The following USP10 variants were observed in gnomAD, a reference collection of about 807,000 sequenced individuals.
USP10 encodes ubiquitin carboxyl-terminal hydrolase 10.
In USP10, 22 loss-of-function variants were observed where a neutral mutation model predicts 84.5. The observed-to-expected ratio is 0.26, with a 90% CI of 0.19 to 0.37. The LOEUF (loss-of-function observed/expected upper bound fraction) is 0.37. Among genes scored for constraint, USP10 ranks in the 10% least tolerant of loss-of-function variants. The probability of loss-of-function intolerance (pLI) is 1.00; values close to 1 mark genes in which losing one functional copy is unlikely to be tolerated. For missense variants in USP10, 1,019 were observed against 998.9 expected, an observed-to-expected ratio of 1.02 and a Z score of -0.27; for synonymous variants, 454 against 387.6, an observed-to-expected ratio of 1.17 and a Z score of -2.01.
chr16:84,744,199 G>A (rs911718888), intron 3 of USP10, among the ~76,000 whole-genome samples: 2 of 152,028 alleles, frequency 1.3e-5, no homozygotes, highest in African/African-American at 4.8e-5. Context: ...AACTACAGAA[G>A]CTGATTTAAC....
rs1914870261 is a variant in USP10 at position 84,775,194 on chromosome 16, T to A, written c.2178T>A (p.Phe726Leu). The A allele has an allele frequency of 6.2e-7, 1 of 1,613,710 alleles. No homozygotes were observed. The highest frequency in any genetic ancestry group is 1.3e-5 in the African/African-American group (1 of 74,940). Residue 726 changes from phenylalanine to leucine, a missense_variant, in exon 13 of 14, where the codon TTT becomes TTA. Phe to Leu is a conservative substitution (Grantham distance 22). This residue lies in a region of USP10 where 232 missense variants were observed against 290.1 expected (regional missense o/e 0.80). Coordinates refer to ENST00000219473, the MANE Select transcript of USP10 (RefSeq NM_005153.3). The stretch of plus-strand genomic sequence containing the variant: ...CTCCAGGGGTTAAAAATAAGAATTT[T>A]AAATGCCACCGAACCTATCGGCTCT... ...LLSPGVKNKNFKCHRTYRLFA... is the reference protein window; with the variant it reads ...LLSPGVKNKNLKCHRTYRLFA...
In USP10 at chr16:84,710,366, C is replaced by G. The variant is rs1474916347; in HGVS notation, c.21+10255C>G. 2.0e-5 allele frequency among the ~76,000 whole-genome samples: 3 copies of G among 151,924 alleles called. No homozygotes were observed. In the East Asian group the frequency reaches 5.8e-4, roughly 29 times the overall value. ...TGTCAGGGATTTGATTCTTTAGGCT[C>G]TCCTCCATAGCTGGGACTCTACTCT... is the stretch of plus-strand genomic sequence containing the variant. On this transcript the variant is annotated intron_variant, in intron 1 of 13. Transcript: ENST00000219473.
At chr16:84,755,729 C>T (rs888513671) in intron 4 of USP10, among the ~76,000 whole-genome samples, 11 of 149,604 alleles carry the variant, frequency 7.4e-5, no homozygotes, top group Admixed American at 2.0e-4. Flanking sequence ...GACCCAGAGG[C>T]GGAGGTTGGA....
At chr16:84,743,694 T>C (rs1910885772) in intron 3 of USP10, among the ~76,000 whole-genome samples, 1 of 152,218 alleles carries the variant, frequency 6.6e-6, no homozygotes, top group Non-Finnish European at 1.5e-5. Context: ...GCTTGATTTC[T>C]GTTGAAAGAC....
At position 84,733,418 on chromosome 16, in the gene USP10, C is replaced by T. The variant is rs1316110889; in HGVS notation, c.22-17C>T. On this transcript the variant is annotated splice_polypyrimidine_tract_variant and intron_variant, in intron 1 of 13. Coordinates refer to ENST00000219473, the MANE Select transcript of USP10 (RefSeq NM_005153.3). Reference sequence around the variant, plus strand: ...TGTATATTTTATGTGATCAGTGACTCTCTTATTTTTTTTCAGTATATTTTT... The same window carrying T: ...TGTATATTTTATGTGATCAGTGACTTTCTTATTTTTTTTCAGTATATTTTT... 46 of 1,569,168 alleles carry T rather than the reference C, an allele frequency of 2.9e-5. No homozygotes were observed. Among genetic ancestry groups the T allele is most frequent in the Non-Finnish European group, 4.0e-5 (46 of 1,147,458 alleles).
In USP10 at chr16:84,778,959, T is replaced by C; in HGVS notation, c.2274T>C (p.Gly758=). The part of the protein sequence containing the change: ...GHYTTDVFQI[G]LNGWLRIDDQ... Reference sequence around the variant, plus strand: ...ACACTACAGACGTCTTCCAGATCGGTCTGAATGGCTGGCTGCGCATCGATG... The same window carrying C: ...ACACTACAGACGTCTTCCAGATCGGCCTGAATGGCTGGCTGCGCATCGATG... The change falls in exon 14 of 14, where the codon GGT becomes GGC. Residue 758 remains glycine (G), a synonymous_variant. Coordinates refer to ENST00000219473, the MANE Select transcript of USP10 (RefSeq NM_005153.3). 2 of 1,614,006 alleles carry C rather than the reference T, an allele frequency of 1.2e-6. No individual in the cohort carries two copies. Among genetic ancestry groups the C allele is most frequent in the South Asian group, 2.2e-5 (2 of 91,080 alleles).
At chr16:84,770,768 TCC>T (rs60755662) in intron 11 of USP10, among the ~76,000 whole-genome samples, 3 of 128,974 alleles carry the variant, frequency 2.3e-5, no homozygotes, top group African/African-American at 3.0e-5. Context: ...CGAGACTCCG[TCC>T]CCAAAAAAAA....
intron 12 of USP10, among the ~76,000 whole-genome samples, chr16:84,772,917 A>C (rs1357253704): frequency 2.0e-5 from 3 of 152,220 alleles, no homozygotes; most frequent in African/African-American, 7.2e-5. Flanking sequence ...ACTAGATTAG[A>C]AAAATAGCAG....
At chr16:84,736,050 G>T (rs554153861) in intron 2 of USP10, among the ~76,000 whole-genome samples, 2 of 151,816 alleles carry the variant, frequency 1.3e-5, no homozygotes, top group African/African-American at 4.8e-5. Flanking sequence ...ACCTGTGGGT[G>T]TGTGAGTGGC....
At chr16:84,741,141 G>T (rs1910575222) in intron 3 of USP10, among the ~76,000 whole-genome samples, 6 of 152,226 alleles carry the variant, frequency 3.9e-5, no homozygotes, top group Admixed American at 2.0e-4. Context: ...TCAGACTTAT[G>T]AAAGGGGTTT....
At position 84,705,471 on chromosome 16, in the gene USP10, T is replaced by C. The variant is rs187288281; in HGVS notation, c.21+5360T>C. ...TGGTCTCCATCTCCTGACCTCACGA[T>C]CCGCCCACCTCGGCCTCCCAAAGTG... is the stretch of plus-strand genomic sequence containing the variant. On this transcript the variant is annotated intron_variant, in intron 1 of 13. Transcript: ENST00000219473. Among the ~76,000 whole-genome samples, 316 of 151,892 alleles carry C rather than the reference T, an allele frequency of 2.1e-3. 2 individuals carry two copies. The highest frequency in any genetic ancestry group is 7.0e-3 in the African/African-American group (289 of 41,420).
chr16:84,715,042 C>T (rs1271917254), intron 1 of USP10, among the ~76,000 whole-genome samples: 1 of 151,794 alleles, frequency 6.6e-6, no homozygotes, highest in Non-Finnish European at 1.5e-5. Flanking sequence ...GATTCTCCTG[C>T]CTCAGCCTCC....
At position 84,759,925 on chromosome 16, in the gene USP10, G is replaced by C. The variant is rs990691483; in HGVS notation, c.1429G>C (p.Val477Leu). ...RLMNEFTNMPVPPKPRQALGD... is the reference protein window; with the variant it reads ...RLMNEFTNMPLPPKPRQALGD... ...AATGAATGAGTTCACTAATATGCCA[G>C]TACCTCCAAAACCCCGACAAGGTTA... is the stretch of plus-strand genomic sequence containing the variant. Residue 477 changes from valine to leucine, a missense_variant, in exon 7 of 14, where the codon GTA becomes CTA. Val to Leu is a conservative substitution (Grantham distance 32). Transcript: ENST00000219473. The C allele has an allele frequency of 1.1e-5, 18 of 1,613,828 alleles. No homozygotes were observed. The highest frequency in any genetic ancestry group is 1.4e-5 in the Non-Finnish European group (16 of 1,179,880).
chr16:84,773,423 C>T (rs1211409373), intron 12 of USP10, among the ~76,000 whole-genome samples: 2 of 152,152 alleles, frequency 1.3e-5, no homozygotes, highest in Non-Finnish European at 2.9e-5. Flanking sequence ...CTCTCCGTCC[C>T]CTGGCACAGC....
chr16:84,743,357 A>C (rs907711350), intron 3 of USP10, among the ~76,000 whole-genome samples: 1 of 152,166 alleles, frequency 6.6e-6, no homozygotes, highest in Non-Finnish European at 1.5e-5. Context: ...GCATACGAAG[A>C]TTCAGGAGGC....
chr16:84,754,101 TC>T (rs1912242643), intron 4 of USP10, among the ~76,000 whole-genome samples: 1 of 152,072 alleles, frequency 6.6e-6, no homozygotes, highest in Non-Finnish European at 1.5e-5. Flanking sequence ...TTAAGGAGCC[TC>T]CTGTCCAGAG....
intron 4 of USP10, among the ~76,000 whole-genome samples, chr16:84,750,358 G>A (rs1911775432): frequency 1.4e-5 from 2 of 147,982 alleles, no homozygotes; most frequent in African/African-American, 5.0e-5. Context: ...AGTGAGCCCA[G>A]ATCGTGCCAC....
chr16:84,700,173 G>A lies in USP10; in HGVS notation c.21+62G>A, dbSNP rs919444427. 14 of 1,169,614 alleles carry A rather than the reference G, an allele frequency of 1.2e-5. No homozygotes were observed. The Admixed American group carries it at 2.9e-4, about 24-fold the overall frequency. The allele number at this position is 1,169,614 out of a possible 1,614,324, so 72.5% of individuals were successfully genotyped here. Reference sequence around the variant, plus strand: ...CGAGCCCCGGGCGGGCGGACGCCGCGGCGGGCGGGCGTCCGCGCCCTGCCC... The same window carrying A: ...CGAGCCCCGGGCGGGCGGACGCCGCAGCGGGCGGGCGTCCGCGCCCTGCCC... On this transcript the variant is annotated intron_variant, in intron 1 of 13. Transcript: ENST00000219473.
At chr16:84,764,541 A>T (rs935905914) in intron 10 of USP10, among the ~76,000 whole-genome samples, 3 of 152,214 alleles carry the variant, frequency 2.0e-5, no homozygotes, top group Admixed American at 1.3e-4. Context: ...GAGAAAAGCC[A>T]GCTAATTGGC....
Sources: gnomAD v4.1 joint callset for allele counts (sites outside exome capture counted in the v4.1 genomes callset) on GRCh38, gnomAD v4.1.1 for gene constraint, gnomAD v4.1.1 regional missense constraint, MANE v1.5 for transcripts, NCBI Gene and HGNC (gene_info 2026-07-23, HGNC 2026-07-21) for gene names.